The following AADAT variants were observed in gnomAD, a reference collection of about 807,000 sequenced individuals.
AADAT encodes the protein kynurenine/alpha-aminoadipate aminotransferase, mitochondrial.
In AADAT, 25 loss-of-function variants were observed where a neutral mutation model predicts 56.2. That is an observed-to-expected ratio of 0.44 (90% CI 0.32 to 0.62). The LOEUF (loss-of-function observed/expected upper bound fraction) is 0.62, where lower values mean the gene tolerates loss of function less well. AADAT is among the 20% of genes least tolerant of loss of function. The probability of loss-of-function intolerance (pLI) is 0.04; values close to 1 mark genes in which losing one functional copy is unlikely to be tolerated. For synonymous variants in AADAT, 173 were observed against 164.7 expected, an observed-to-expected ratio of 1.05 and a Z score of -0.39; for missense variants, 387 against 510.5, an observed-to-expected ratio of 0.76 and a Z score of 2.33.
At chr4:170,064,563 C>T (rs528671363) in intron 11 of AADAT, among the ~76,000 whole-genome samples, 156 bp downstream of exon 11, 7 of 152,256 alleles carry the variant, frequency 4.6e-5, no homozygotes, top group African/African-American at 1.2e-4. Flanking sequence ...AAACCTCTTA[C>T]GATTTTGATA....
Position 170,089,753 on chromosome 4 carries a change from G to C in AADAT, c.-63C>G. ...GGTTGAGGACTAGAAAAACCAAAGA[G>C]CCTCGTCAAGTCCTGCCTGCTAACT... On this transcript the variant is annotated 5_prime_UTR_variant, in exon 1 of 13. Transcript: ENST00000337664. 1 of 1,549,202 alleles carries C rather than the reference G, an allele frequency of 6.5e-7. No individual in the cohort carries two copies. Among genetic ancestry groups the C allele is most frequent in the Non-Finnish European group, 8.9e-7 (1 of 1,124,962 alleles).
chr4:170,087,711 C>A (rs1273225491), intron 2 of AADAT, among the ~76,000 whole-genome samples: 7 of 152,000 alleles, frequency 4.6e-5, no homozygotes, highest in Non-Finnish European at 8.8e-5. Flanking sequence ...ATACACTTTT[C>A]AATCACAGAA....
chr4:170,069,286 C>A (rs763689961), intron 6 of AADAT, 56 bp from the exon 7 acceptor site: 1 of 1,415,080 alleles, frequency 7.1e-7, no homozygotes, highest in Middle Eastern at 1.8e-4. Context: ...AGTCACTGTA[C>A]GATTATTTTG....
chr4:170,092,120 T>TG (rs1005627452), upstream of AADAT, among the ~76,000 whole-genome samples: 4 of 152,202 alleles, frequency 2.6e-5, no homozygotes, highest in Admixed American at 6.5e-5. Flanking sequence ...AGGATGTGGA[T>TG]GGGGCCAGAT....
chr4:170,073,369 G>A (rs1208130312), intron 4 of AADAT, 24 bp from the exon 5 acceptor site: 1 of 1,596,782 alleles, frequency 6.3e-7, no homozygotes, highest in East Asian at 2.2e-5. Flanking sequence ...AAGAAAGCCT[G>A]AGTCAGTCAT....
chr4:170,065,744 AC>A (rs1345957917), intron 10 of AADAT, among the ~76,000 whole-genome samples: 1 of 152,112 alleles, frequency 6.6e-6, no homozygotes, highest in Non-Finnish European at 1.5e-5. Context: ...CAGGTGATCC[AC>A]CCACCTTGGC....
At chr4:170,093,933 A>AT (rs1175426293), upstream of AADAT, among the ~76,000 whole-genome samples, 5 of 152,226 alleles carry the variant, frequency 3.3e-5, no homozygotes, top group South Asian at 2.1e-4. Context: ...TAATTAATTG[A>AT]TTTTTTTACC....
At chr4:170,082,780 T>C (rs993474887) in intron 3 of AADAT, among the ~76,000 whole-genome samples, 6 of 151,850 alleles carry the variant, frequency 4.0e-5, no homozygotes, top group African/African-American at 1.5e-4. Flanking sequence ...TAGGTGTAGC[T>C]ACACTTAGAA....
At chr4:170,073,643 G>A (rs1731885898) in intron 4 of AADAT, among the ~76,000 whole-genome samples, 1 of 151,920 alleles carries the variant, frequency 6.6e-6, no homozygotes, top group Non-Finnish European at 1.5e-5. Context: ...GGGACTACAG[G>A]TGCACGCCAC....
intron 10 of AADAT, 25 bp downstream of exon 10, chr4:170,066,389 G>C (rs774697043): frequency 1.2e-6 from 2 of 1,601,326 alleles, no homozygotes; most frequent in Non-Finnish European, 1.7e-6. Flanking sequence ...TGTTTATCAT[G>C]AGGACGAATA....
upstream of AADAT, among the ~76,000 whole-genome samples, chr4:170,092,600 A>G (rs911997452): frequency 2.0e-5 from 3 of 152,240 alleles, no homozygotes; most frequent in Non-Finnish European, 4.4e-5. Context: ...TAAACCTGTT[A>G]GAAACCCACG....
intron 10 of AADAT, among the ~76,000 whole-genome samples, chr4:170,065,072 C>A (rs1054690951): frequency 2.6e-5 from 4 of 152,108 alleles, no homozygotes; most frequent in Admixed American, 2.0e-4. Context: ...GAATAGCTCG[C>A]GTGTGCGTAT....
intron 10 of AADAT, among the ~76,000 whole-genome samples, chr4:170,065,680 T>G (rs1384493281): frequency 6.6e-6 from 1 of 152,084 alleles, no homozygotes; most frequent in African/African-American, 2.4e-5. Flanking sequence ...TTTATATTTT[T>G]AGTAGAGATG....
intron 3 of AADAT, among the ~76,000 whole-genome samples, chr4:170,083,488 G>C (rs1732411950): frequency 6.6e-6 from 1 of 152,038 alleles, no homozygotes; most frequent in South Asian, 2.1e-4. Context: ...ACAACCTACA[G>C]GAGAGGAGAA....
At chr4:170,062,079 AG>A (rs1175289056) in intron 11 of AADAT, 86 bp from the exon 12 acceptor site, 1 of 823,102 alleles carries the variant, frequency 1.2e-6, no homozygotes, top group Non-Finnish European at 1.8e-6. Context: ...AGAGTAGGGA[AG>A]GATGTTTTAA....
intron 3 of AADAT, among the ~76,000 whole-genome samples, chr4:170,086,550 A>C (rs1278363425): frequency 6.6e-6 from 1 of 152,188 alleles, no homozygotes; most frequent in Non-Finnish European, 1.5e-5. Flanking sequence ...TGTGTATCTC[A>C]GGAATATGAA....
At chr4:170,079,608 T>C (rs1177671267) in intron 3 of AADAT, among the ~76,000 whole-genome samples, 2 of 152,064 alleles carry the variant, frequency 1.3e-5, no homozygotes, top group African/African-American at 4.8e-5. Context: ...AACTGAGAGG[T>C]ATTAGGAAAT....
chr4:170,073,673 G>A (rs1731888872), intron 4 of AADAT, among the ~76,000 whole-genome samples: 1 of 151,914 alleles, frequency 6.6e-6, no homozygotes, highest in South Asian at 2.1e-4. Flanking sequence ...GTAATTTTTT[G>A]TATTTTTAGT....
upstream of AADAT, among the ~76,000 whole-genome samples, chr4:170,094,073 T>C (rs1203453968): frequency 6.6e-6 from 1 of 152,030 alleles, no homozygotes; most frequent in Admixed American, 6.6e-5. Flanking sequence ...TGTCCTGGAG[T>C]TGTACTGGTG....
Sources: allele counts gnomAD v4.1 joint callset (sites outside exome capture counted in the v4.1 genomes callset), GRCh38; gene constraint gnomAD v4.1.1; transcripts MANE v1.5; gene names NCBI Gene and HGNC (gene_info 2026-07-23, HGNC 2026-07-21).